The following PCDHGB2 variants were observed in gnomAD, a reference collection of about 807,000 sequenced individuals.
The protein encoded by PCDHGB2 is protocadherin gamma subfamily B, 2.
Under a neutral mutation model 59.3 loss-of-function variants are expected in PCDHGB2, and 55 were observed. The ratio of observed to expected loss-of-function variants is 0.93; its 90% CI spans 0.75 to 1.16. The LOEUF (loss-of-function observed/expected upper bound fraction) is 1.16. Ranked by LOEUF, PCDHGB2 falls within the 50% of genes most tolerant of loss-of-function variation. PCDHGB2 has a pLI of 0.00. For synonymous variants in PCDHGB2, 516 were observed against 512.0 expected (o/e 1.01, Z -0.11); for missense variants, 1,228 against 1,198.5 (o/e 1.02, Z -0.36).
intron 1 of PCDHGB2, chr5:141,439,735 G>A (rs1317592646): frequency 1.3e-5 from 2 of 152,360 alleles, no homozygotes; most frequent in Non-Finnish European, 2.9e-5. Flanking sequence ...AGCAGGAACG[G>A]AACGGATTTA....
intron 1 of PCDHGB2, chr5:141,366,586 C>G (rs1373110985): frequency 6.2e-7 from 1 of 1,614,262 alleles, no homozygotes; most frequent in Non-Finnish European, 8.5e-7. Flanking sequence ...TCCTGCAGAC[C>G]TATTCCCACG....
At chr5:141,454,837 G>A (rs1269424734) in intron 1 of PCDHGB2, among the ~76,000 whole-genome samples, 4 of 90,354 alleles carry the variant, frequency 4.4e-5, no homozygotes, top group East Asian at 6.5e-4. Flanking sequence ...AGACAGAGTC[G>A]CGCTCTGTCA....
chr5:141,394,761 G>A, intron 1 of PCDHGB2: 1 of 1,613,428 alleles, frequency 6.2e-7, no homozygotes, highest in South Asian at 1.1e-5. Context: ...CCAGGACCAT[G>A]GCCAGCCCCC....
At chr5:141,455,160 GT>G (rs59530096) in intron 1 of PCDHGB2, among the ~76,000 whole-genome samples, 102 of 149,212 alleles carry the variant, frequency 6.8e-4, no homozygotes, top group East Asian at 7.9e-4. Flanking sequence ...TAGTTTGTTG[GT>G]TTTTTTTTTA....
At chr5:141,472,003 A>T (rs1450802255) in intron 1 of PCDHGB2, among the ~76,000 whole-genome samples, 1 of 152,176 alleles carries the variant, frequency 6.6e-6, no homozygotes, top group Non-Finnish European at 1.5e-5. Context: ...CCTGCATCGT[A>T]TAGGGGCACT....
intron 1 of PCDHGB2, chr5:141,426,793 A>G: frequency 2.2e-6 from 1 of 456,734 alleles, no homozygotes; most frequent in South Asian, 1.5e-5. Context: ...CAGAGTTACC[A>G]GCTCAGTTCT....
intron 1 of PCDHGB2, among the ~76,000 whole-genome samples, chr5:141,380,738 A>G (rs1282676783): frequency 6.6e-6 from 1 of 152,220 alleles, no homozygotes; most frequent in Non-Finnish European, 1.5e-5. Context: ...CTTTTCTCCA[A>G]AGAAGGTACC....
chr5:141,376,282 G>C (rs755455760), intron 1 of PCDHGB2: 10 of 1,614,096 alleles, frequency 6.2e-6, no homozygotes, highest in Non-Finnish European at 7.6e-6. Flanking sequence ...GTGGCTTAGC[G>C]AGCATGCCCG....
intron 1 of PCDHGB2, chr5:141,422,266 G>A (rs1393466157): frequency 6.4e-7 from 1 of 1,563,654 alleles, no homozygotes; most frequent in Non-Finnish European, 8.6e-7. Context: ...TAACGCTCCA[G>A]AAATAACTAT....
chr5:141,399,528 C>T (rs749580875), intron 1 of PCDHGB2: 10 of 1,613,928 alleles, frequency 6.2e-6, no homozygotes, highest in Non-Finnish European at 7.6e-6. Context: ...GGGCCTCCAT[C>T]GCGCAAGTCT....
chr5:141,421,358 C>T (rs2096566137), intron 1 of PCDHGB2: 1 of 1,613,870 alleles, frequency 6.2e-7, no homozygotes, highest in Non-Finnish European at 8.5e-7. Context: ...GAAAAGGGCT[C>T]CTTCGTGGGC....
At position 141,490,645 on chromosome 5, in the gene PCDHGB2, C is replaced by G; in HGVS notation, c.2422-4162C>G. ...TGCTTACATCCTAGAAAACCGGCCTCCGGGCTCCCTTCTTTGCACTGTGGC... is the reference window on the plus strand; with the variant it reads ...TGCTTACATCCTAGAAAACCGGCCTGCGGGCTCCCTTCTTTGCACTGTGGC... On this transcript the variant is annotated intron_variant, in intron 1 of 3. Transcript: ENST00000522605. The surrounding 1 kb of genome is among the most constrained non-coding windows in gnomAD (Gnocchi z 5.4). 6.2e-7 allele frequency: 1 copy of G among 1,614,220 alleles called. No homozygotes were observed. Among genetic ancestry groups the G allele is most frequent in the Non-Finnish European group, 8.5e-7 (1 of 1,180,022 alleles).
chr5:141,498,971 G>GGGAA (rs201769957), intron 2 of PCDHGB2, among the ~76,000 whole-genome samples: 8,226 of 110,874 alleles, frequency 0.074, 335 homozygotes, highest in Middle Eastern at 0.11. Flanking sequence ...GAGGGAGGGA[G>GGGAA]GGAAGGAAGG....
At chr5:141,397,842 G>T (rs7703108) in intron 1 of PCDHGB2, 79,958 of 516,008 alleles carry the variant, frequency 0.15, 7,302 homozygotes, top group African/African-American at 0.31. Flanking sequence ...ACTTGAAGCC[G>T]CAGAGGCTGT....
chr5:141,443,254 G>A (rs185181143), intron 1 of PCDHGB2, among the ~76,000 whole-genome samples: 30 of 152,006 alleles, frequency 2.0e-4, no homozygotes, highest in Admixed American at 1.6e-3. Context: ...GCCAAGGCGG[G>A]TGGATCACTT....
At chr5:141,409,447 A>G (rs764648085) in intron 1 of PCDHGB2, 3 of 1,614,008 alleles carry the variant, frequency 1.9e-6, no homozygotes, top group Admixed American at 1.7e-5. Flanking sequence ...GAGAGCAGAC[A>G]CCAGAATACA....
chr5:141,401,940 A>T (rs1423719749), intron 1 of PCDHGB2, among the ~76,000 whole-genome samples: 1 of 152,236 alleles, frequency 6.6e-6, no homozygotes, highest in Non-Finnish European at 1.5e-5. Flanking sequence ...AATAATGTTT[A>T]AGACCACTTT....
chr5:141,432,537 C>T lies in PCDHGB2; in HGVS notation c.2422-62270C>T, dbSNP rs367578838. Reference sequence around the variant, plus strand: ...GGCTACCTGGTGACCAAGGTGGTGGCGGTGGACAGAGACTCCGGCCAGAAC... The same window carrying T: ...GGCTACCTGGTGACCAAGGTGGTGGTGGTGGACAGAGACTCCGGCCAGAAC... On this transcript the variant is annotated intron_variant, in intron 1 of 3. Transcript: ENST00000522605. This position sits in a 1 kb window ranked among gnomAD's most constrained non-coding sequence, Gnocchi z 6.0. The T allele has an allele frequency of 5.6e-6, 9 of 1,613,882 alleles. No homozygotes were observed. The African/African-American group carries it at 6.7e-5, about 12-fold the overall frequency.
At chr5:141,365,163 C>A in intron 1 of PCDHGB2, 1 of 1,613,918 alleles carries the variant, frequency 6.2e-7, no homozygotes, top group Non-Finnish European at 8.5e-7. Flanking sequence ...GGGAAATTGA[C>A]CTACTCTTTT....
Sources: gnomAD v4.1 joint callset for allele counts (sites outside exome capture counted in the v4.1 genomes callset) on GRCh38, gnomAD v4.1.1 for gene constraint, Gnocchi (gnomAD v3.1) non-coding constraint, MANE v1.5 for transcripts, NCBI Gene and HGNC (gene_info 2026-07-23, HGNC 2026-07-21) for gene names.